Variants in IKZF1 observed in about 807,000 individuals in gnomAD.
IKZF1 encodes the protein IKAROS family zinc finger 1.
A neutral mutation model predicts 51.7 loss-of-function variants in IKZF1; 10 were observed. That is an observed-to-expected ratio of 0.19 (90% CI 0.12 to 0.33). The LOEUF (loss-of-function observed/expected upper bound fraction) is 0.33, where lower values mean the gene tolerates loss of function less well. IKZF1 is among the 10% of genes least tolerant of loss of function. The pLI, the probability that IKZF1 is intolerant of heterozygous loss-of-function variation, is 1.00. For synonymous variants in IKZF1, 280 were observed against 282.3 expected (o/e 0.99, Z 0.08); for missense variants, 484 against 707.5 (o/e 0.68, Z 3.58).
At chr7:50,348,661 G>T (rs1801010958) in intron 3 of IKZF1, among the ~76,000 whole-genome samples, 1 of 152,184 alleles carries the variant, frequency 6.6e-6, no homozygotes, top group African/African-American at 2.4e-5. Flanking sequence ...ATATTGTTAA[G>T]TCAGCAACTC....
At chr7:50,347,876 C>T (rs1386097552) in intron 3 of IKZF1, among the ~76,000 whole-genome samples, 3 of 152,148 alleles carry the variant, frequency 2.0e-5, no homozygotes, top group Non-Finnish European at 2.9e-5. Flanking sequence ...GGTATGCGGA[C>T]GGCTCTTTGT....
intron 2 of IKZF1, among the ~76,000 whole-genome samples, chr7:50,322,395 C>T (rs1012848822): frequency 6.6e-6 from 1 of 152,122 alleles, no homozygotes; most frequent in Non-Finnish European, 1.5e-5. Context: ...TACTTAATAT[C>T]TGGCTTTTTT....
At chr7:50,317,001 A>T (rs1275031242) in intron 1 of IKZF1, among the ~76,000 whole-genome samples, 8 of 152,272 alleles carry the variant, frequency 5.3e-5, no homozygotes, top group Non-Finnish European at 1.2e-4. Context: ...AAATTAAAAA[A>T]TATTTTAAAA....
At chr7:50,378,174 C>G (rs992269744) in intron 4 of IKZF1, among the ~76,000 whole-genome samples, 3 of 152,162 alleles carry the variant, frequency 2.0e-5, no homozygotes, top group Non-Finnish European at 2.9e-5. Flanking sequence ...TCAAAATGAT[C>G]TATTCCATTT....
chr7:50,308,585 A>G (rs1789373057), intron 1 of IKZF1: 1 of 152,224 alleles, frequency 6.6e-6, no homozygotes, highest in South Asian at 2.1e-4. Flanking sequence ...AGACGTCCAC[A>G]TAATTTCTGA....
At chr7:50,362,631 A>T (rs1805603479) in intron 3 of IKZF1, among the ~76,000 whole-genome samples, 1 of 152,040 alleles carries the variant, frequency 6.6e-6, no homozygotes, top group African/African-American at 2.4e-5. Flanking sequence ...CATAAGGTTC[A>T]CCCTTACTAT....
chr7:50,319,111 T>C lies in IKZF1; in HGVS notation c.40+10T>C. 1.2e-6 allele frequency: 2 copies of C among 1,613,030 alleles called. No individual in the cohort carries two copies. The highest frequency in any genetic ancestry group is 1.7e-6 in the Non-Finnish European group (2 of 1,179,024). On this transcript the variant is annotated intron_variant, in intron 2 of 7. Transcript: ENST00000331340. ...ATGTCCCAAGTTTCAGGTGAGACCT[T>C]ATGAGATAGCTGTGTGGGAAGTTCA...
chr7:50,356,641 A>G (rs1173399120), intron 3 of IKZF1, among the ~76,000 whole-genome samples: 1 of 151,690 alleles, frequency 6.6e-6, no homozygotes, highest in Non-Finnish European at 1.5e-5. Context: ...CCTTACTCTT[A>G]CTTCCCTTTC....
chr7:50,344,310 C>T (rs1280949620), intron 3 of IKZF1, among the ~76,000 whole-genome samples: 1 of 152,178 alleles, frequency 6.6e-6, no homozygotes, highest in Non-Finnish European at 1.5e-5. Context: ...TGTGACTGTC[C>T]TCACATGTAG....
chr7:50,370,089 T>C (rs943588068), intron 3 of IKZF1, among the ~76,000 whole-genome samples: 13 of 152,218 alleles, frequency 8.5e-5, no homozygotes, highest in African/African-American at 3.1e-4. Context: ...TTTCATTTGA[T>C]TTTTACTTGC....
At chr7:50,387,002 A>G (rs953812521) in intron 5 of IKZF1, among the ~76,000 whole-genome samples, 3 of 152,174 alleles carry the variant, frequency 2.0e-5, no homozygotes, top group African/African-American at 4.8e-5. Context: ...CCTTCCTCAC[A>G]TCTCTGTCCA....
intron 2 of IKZF1, among the ~76,000 whole-genome samples, chr7:50,323,942 A>G (rs539385409): frequency 1.3e-5 from 2 of 152,348 alleles, no homozygotes; most frequent in South Asian, 4.1e-4. Context: ...GTCTTAAAAA[A>G]GGGACCAGTC....
chr7:50,318,901 C>T (rs1792324693), intron 1 of IKZF1, 147 bp from the exon 2 acceptor site: 1 of 549,608 alleles, frequency 1.8e-6, no homozygotes, highest in Non-Finnish European at 3.3e-6. Flanking sequence ...CAGTCTGATA[C>T]TCCAGCAAGT....
chr7:50,391,891 A>G (rs768950736), intron 7 of IKZF1, 28 bp downstream of exon 7: 2 of 1,571,408 alleles, frequency 1.3e-6, no homozygotes, highest in East Asian at 2.3e-5. Flanking sequence ...GCTGTCTCTT[A>G]AAAAAAAACT....
intron 3 of IKZF1, among the ~76,000 whole-genome samples, chr7:50,359,478 T>TC (rs1310140301): frequency 2.0e-5 from 3 of 152,166 alleles, no homozygotes; most frequent in Admixed American, 6.5e-5. Context: ...GATCTGACAT[T>TC]CCGAACAGTG....
intron 1 of IKZF1, among the ~76,000 whole-genome samples, chr7:50,315,246 CGGAG>C (rs1001542896): frequency 6.6e-6 from 1 of 152,006 alleles, no homozygotes; most frequent in African/African-American, 2.4e-5. Flanking sequence ...CAAAGGGAGA[CGGAG>C]GGAGGGAGGG....
chr7:50,357,096 C>T (rs529704474), intron 3 of IKZF1, among the ~76,000 whole-genome samples: 1 of 152,094 alleles, frequency 6.6e-6, no homozygotes, highest in East Asian at 1.9e-4. Context: ...CCCCAGCCCA[C>T]CCTGGTGGTC....
At chr7:50,356,577 A>G (rs1157573450) in intron 3 of IKZF1, among the ~76,000 whole-genome samples, 1 of 152,148 alleles carries the variant, frequency 6.6e-6, no homozygotes, top group African/African-American at 2.4e-5. Context: ...GTGCGTGTGC[A>G]TGGCTTTGTC....
rs924624544 is a variant in IKZF1 at position 50,337,989 on chromosome 7, C to T, written c.160+10232C>T. Among the ~76,000 whole-genome samples, 118 of 152,160 alleles carry T rather than the reference C, an allele frequency of 7.8e-4. 1 individual carries two copies. The highest frequency in any genetic ancestry group is 2.6e-3 in the African/African-American group (109 of 41,490). ...CTCACTTCCTTCAGTACTTCCCACT[C>T]GTAAGAGCTTTGAAAATTCAGAAGG... On this transcript the variant is annotated intron_variant, in intron 3 of 7. Transcript: ENST00000331340.
Sources: gnomAD v4.1 joint callset for allele counts (sites outside exome capture counted in the v4.1 genomes callset) on GRCh38, gnomAD v4.1.1 for gene constraint, MANE v1.5 for transcripts, NCBI Gene and HGNC (gene_info 2026-07-23, HGNC 2026-07-21) for gene names.